The following PATJ variants were observed in gnomAD, a reference collection of about 807,000 sequenced individuals.
PATJ encodes inaD-like protein.
PATJ carries 190 observed loss-of-function variants against 224.9 expected under a neutral mutation model. The ratio of observed to expected loss-of-function variants is 0.84; its 90% CI spans 0.75 to 0.95. The LOEUF is 0.95. Among genes scored for constraint, PATJ ranks in the 40% least tolerant of loss-of-function variants. The probability of loss-of-function intolerance (pLI) is 0.00; values close to 1 mark genes in which losing one functional copy is unlikely to be tolerated. For missense variants in PATJ, 2,121 were observed against 2,270.3 expected, an observed-to-expected ratio of 0.93 and a Z score of 1.34; for synonymous variants, 769 against 820.3, an observed-to-expected ratio of 0.94 and a Z score of 1.07.
chr1:61,792,024 GAA>G (rs1461211929), intron 9 of PATJ, among the ~76,000 whole-genome samples: 2 of 151,938 alleles, frequency 1.3e-5, no homozygotes, highest in African/African-American at 4.8e-5. Context: ...ATTAGGGTAA[GAA>G]AAAATAAACC....
intron 16 of PATJ, among the ~76,000 whole-genome samples, chr1:61,833,157 G>T (rs781261902): frequency 2.0e-5 from 3 of 151,248 alleles, no homozygotes; most frequent in Non-Finnish European, 4.4e-5. Flanking sequence ...AGCTTTTCTT[G>T]AAAACTTCCT....
chr1:61,997,632 G>A (rs865927181), intron 28 of PATJ, among the ~76,000 whole-genome samples: 18 of 152,054 alleles, frequency 1.2e-4, no homozygotes, highest in African/African-American at 4.1e-4. Flanking sequence ...GATTCTAGAA[G>A]GTAATAAGTG....
chr1:61,980,365 C>A (rs1373995724), intron 27 of PATJ, among the ~76,000 whole-genome samples: 1 of 151,536 alleles, frequency 6.6e-6, no homozygotes, highest in Non-Finnish European at 1.5e-5. Context: ...CCCAGAAATA[C>A]CAGATGTGGA....
At chr1:62,060,433 C>T (rs925399199) in intron 31 of PATJ, among the ~76,000 whole-genome samples, 1 of 152,026 alleles carries the variant, frequency 6.6e-6, no homozygotes, top group African/African-American at 2.4e-5. Context: ...GTGATGCAAA[C>T]ATAGCTTCAT....
chr1:61,903,994 G>A (rs576795778), intron 24 of PATJ, among the ~76,000 whole-genome samples: 88 of 152,030 alleles, frequency 5.8e-4, no homozygotes, highest in Middle Eastern at 3.4e-3. Flanking sequence ...GGCTGATCTC[G>A]AACTCCTAAC....
intron 27 of PATJ, among the ~76,000 whole-genome samples, chr1:61,948,012 T>C (rs1679030922): frequency 6.6e-6 from 1 of 152,228 alleles, no homozygotes; most frequent in Admixed American, 6.5e-5. Flanking sequence ...GCTAGCCATA[T>C]GTAGAAAGCT....
At chr1:61,989,628 G>C (rs1644951820) in intron 27 of PATJ, among the ~76,000 whole-genome samples, 1 of 152,096 alleles carries the variant, frequency 6.6e-6, no homozygotes. Context: ...CTGGTGCTCA[G>C]CTAATGTTTT....
At chr1:61,836,314 A>G (rs6678122) in intron 17 of PATJ, among the ~76,000 whole-genome samples, 6,912 of 152,316 alleles carry the variant, frequency 0.045, 211 homozygotes, top group Non-Finnish European at 0.065. Context: ...CTCAATCAGC[A>G]GCACACATAC....
At chr1:61,984,917 T>C (rs1644662236) in intron 27 of PATJ, among the ~76,000 whole-genome samples, 1 of 152,054 alleles carries the variant, frequency 6.6e-6, no homozygotes, top group Non-Finnish European at 1.5e-5. Context: ...ATATTCCCTT[T>C]GTATCACAAG....
At chr1:61,819,114 G>A (rs896661771) in intron 14 of PATJ, among the ~76,000 whole-genome samples, 1 of 152,032 alleles carries the variant, frequency 6.6e-6, no homozygotes, top group Non-Finnish European at 1.5e-5. Context: ...CTTTTTTGTA[G>A]GGCTGACTCA....
intron 33 of PATJ, among the ~76,000 whole-genome samples, chr1:62,095,745 C>T (rs1661320220): frequency 6.6e-6 from 1 of 152,104 alleles, no homozygotes; most frequent in Non-Finnish European, 1.5e-5. Flanking sequence ...TCACTGTTCA[C>T]AGGAGTTGTA....
chr1:61,840,909 T>C (rs774630229), intron 17 of PATJ, among the ~76,000 whole-genome samples: 5 of 152,122 alleles, frequency 3.3e-5, no homozygotes, highest in Non-Finnish European at 5.9e-5. Flanking sequence ...TCCTTTCTTA[T>C]GTAGAGTTAT....
At chr1:61,748,068 AC>A (rs995801505) in intron 1 of PATJ, among the ~76,000 whole-genome samples, 25 of 151,940 alleles carry the variant, frequency 1.6e-4, no homozygotes, top group African/African-American at 4.6e-4. Context: ...TTTAGTAGAG[AC>A]GGGGTTTCAC....
At chr1:62,035,647 A>G (rs978828523) in intron 29 of PATJ, among the ~76,000 whole-genome samples, 1 of 149,094 alleles carries the variant, frequency 6.7e-6, no homozygotes, top group African/African-American at 2.5e-5. Context: ...TGTTAAGCAC[A>G]AACACTTGCC....
chr1:62,077,320 C>CT (rs1156403055), intron 31 of PATJ, among the ~76,000 whole-genome samples: 3 of 152,078 alleles, frequency 2.0e-5, no homozygotes, highest in African/African-American at 7.2e-5. Flanking sequence ...CTTATTTGTC[C>CT]TTTTCTACTT....
chr1:62,046,220 GAAGGA>G (rs1652523713), intron 30 of PATJ, among the ~76,000 whole-genome samples: 1 of 113,400 alleles, frequency 8.8e-6, no homozygotes, highest in South Asian at 3.3e-4. Flanking sequence ...AGGAAGGAAG[GAAGGA>G]AAGGAAGGAA....
intron 27 of PATJ, among the ~76,000 whole-genome samples, chr1:61,978,245 C>T (rs139808243): frequency 0.057 from 7,483 of 131,896 alleles, 761 homozygotes; most frequent in African/African-American, 0.19. Context: ...CCCTCCCTCC[C>T]TCCTTCCTTC....
intron 33 of PATJ, among the ~76,000 whole-genome samples, chr1:62,090,186 C>G (rs1660556450): frequency 6.6e-6 from 1 of 152,114 alleles, no homozygotes. Context: ...GAGGGTGAAC[C>G]TCTTGGGAAG....
At chr1:61,976,825 C>T (rs899392013) in intron 27 of PATJ, among the ~76,000 whole-genome samples, 27 of 152,004 alleles carry the variant, frequency 1.8e-4, no homozygotes, top group African/African-American at 5.6e-4. Context: ...TTACTATACT[C>T]GTTTCACCTA....
Sources: gnomAD v4.1 joint callset for allele counts (sites outside exome capture counted in the v4.1 genomes callset) on GRCh38, gnomAD v4.1.1 for gene constraint, MANE v1.5 for transcripts, NCBI Gene and HGNC (gene_info 2026-07-23, HGNC 2026-07-21) for gene names.